ASAP3: variants seen among roughly 807,000 people sequenced by gnomAD.
ASAP3 encodes arf-GAP with SH3 domain, ANK repeat and PH domain-containing protein 3.
In ASAP3, 85 loss-of-function variants were observed where a neutral mutation model predicts 118.2. That is an observed-to-expected ratio of 0.72 (90% CI 0.60 to 0.86). The LOEUF (loss-of-function observed/expected upper bound fraction) is 0.86. ASAP3 is among the 40% of genes least tolerant of loss of function. The probability of loss-of-function intolerance (pLI) is 0.00; values close to 1 mark genes in which losing one functional copy is unlikely to be tolerated. For missense variants in ASAP3, 1,026 were observed against 1,175.0 expected, an observed-to-expected ratio of 0.87 and a Z score of 1.85; for synonymous variants, 432 against 477.4, an observed-to-expected ratio of 0.90 and a Z score of 1.24.
intron 1 of ASAP3, among the ~76,000 whole-genome samples, chr1:23,466,840 G>A (rs948717366): frequency 1.3e-5 from 2 of 152,150 alleles, no homozygotes; most frequent in Non-Finnish European, 2.9e-5. Context: ...TCACTTCTGT[G>A]TCATCCCATG....
intron 10 of ASAP3, 151 bp downstream of exon 10, chr1:23,440,951 G>A (rs1640850301): frequency 5.9e-6 from 4 of 674,502 alleles, no homozygotes; most frequent in South Asian, 5.7e-5. Context: ...ATGCCCAGGT[G>A]TCCTGGACAA....
chr1:23,432,239 T>C (rs1474864529), intron 22 of ASAP3, among the ~76,000 whole-genome samples: 1 of 152,138 alleles, frequency 6.6e-6, no homozygotes, highest in Non-Finnish European at 1.5e-5. Context: ...AATCCTTACC[T>C]GGGGTGATCC....
chr1:23,442,469 G>A lies in ASAP3; in HGVS notation c.585+32C>T, dbSNP rs375149127. The stretch of plus-strand genomic sequence containing the variant: ...AGGCAGACAGGAAGACACATCCCAC[G>A]CCCCCCCTCCCTCATCCAGAGCACC... On this transcript the variant is annotated intron_variant, in intron 6 of 24. Coordinates refer to ENST00000336689, the MANE Select transcript of ASAP3 (RefSeq NM_017707.4). The A allele has an allele frequency of 1.3e-5, 21 of 1,604,396 alleles. No individual in the cohort carries two copies. In the East Asian group the frequency reaches 1.8e-4, roughly 14 times the overall value.
intron 5 of ASAP3, among the ~76,000 whole-genome samples, chr1:23,447,876 A>G (rs1050701586): frequency 1.2e-4 from 18 of 152,192 alleles, no homozygotes; most frequent in Admixed American, 1.2e-3. Context: ...GGCTTTGTCA[A>G]TTATCACAGT....
intron 4 of ASAP3, among the ~76,000 whole-genome samples, chr1:23,451,941 C>T (rs1218432232): frequency 1.3e-5 from 2 of 152,212 alleles, no homozygotes; most frequent in African/African-American, 4.8e-5. Context: ...CTGCCTGGTG[C>T]TAGATCATCC....
At chr1:23,433,588 GAA>G in intron 20 of ASAP3, 36 bp downstream of exon 20, 1 of 1,614,206 alleles carries the variant, frequency 6.2e-7, no homozygotes, top group Non-Finnish European at 8.5e-7. Flanking sequence ...CAGGGAGAGA[GAA>G]AGAGTCAGGG....
At chr1:23,435,443 A>G (rs556872980) in intron 17 of ASAP3, among the ~76,000 whole-genome samples, 1 of 152,364 alleles carries the variant, frequency 6.6e-6, no homozygotes, top group South Asian at 2.1e-4. Flanking sequence ...AGCCAAAGCA[A>G]TGTGGCCTTC....
In ASAP3 at chr1:23,436,752, C is replaced by T. The variant is rs569034339; in HGVS notation, c.1477-98G>A. On this transcript the variant is annotated intron_variant, in intron 15 of 24. Coordinates refer to ENST00000336689, the MANE Select transcript of ASAP3 (RefSeq NM_017707.4). This position sits in a 1 kb window ranked among gnomAD's most constrained non-coding sequence, Gnocchi z 4.2. ...AGCCCCCAGAGTCCCGCCCCTCGGC[C>T]GCCCTCCCGGTTCAGGCCCCGCCCC... 59 of 1,561,486 alleles carry T rather than the reference C, an allele frequency of 3.8e-5. No homozygotes were observed. Among genetic ancestry groups the T allele is most frequent in the South Asian group, 2.9e-4 (25 of 85,960 alleles).
In ASAP3 at chr1:23,438,841, G is replaced by A. The variant is rs776324373; in HGVS notation, c.1015-7C>T. The A allele has an allele frequency of 6.2e-7, 1 of 1,614,054 alleles. No homozygotes were observed. The highest frequency in any genetic ancestry group is 8.5e-7 in the Non-Finnish European group (1 of 1,179,926). ...TCACCGGGGGCCGGTTTATCTGTGG[G>A]AATTTAGGGGCGGAGGATGTATGCA... On this transcript the variant is annotated splice_polypyrimidine_tract_variant and splice_region_variant and intron_variant, in intron 11 of 24. Coordinates refer to ENST00000336689, the MANE Select transcript of ASAP3 (RefSeq NM_017707.4). This position sits in a 1 kb window ranked among gnomAD's most constrained non-coding sequence, Gnocchi z 4.9.
chr1:23,454,200 T>A (rs111756457), intron 3 of ASAP3, among the ~76,000 whole-genome samples: 3 of 151,008 alleles, frequency 2.0e-5, no homozygotes, highest in Non-Finnish European at 4.4e-5. Context: ...TTTTTTTTTT[T>A]TTTTGAGATG....
chr1:23,434,377 G>C lies in ASAP3; in HGVS notation c.1836-8C>G, dbSNP rs781596970. 5.6e-6 allele frequency: 9 copies of C among 1,614,002 alleles called. No individual in the cohort carries two copies. Among genetic ancestry groups the C allele is most frequent in the Non-Finnish European group, 7.6e-6 (9 of 1,179,868 alleles). ...TTGGCATCCAGGTGACCACTGGGGA[G>C]AGGAGGGTTCAGGGAGAAAGGAAGG... is the stretch of plus-strand genomic sequence containing the variant. On this transcript the variant is annotated splice_polypyrimidine_tract_variant and splice_region_variant and intron_variant, in intron 18 of 24. Coordinates refer to ENST00000336689, the MANE Select transcript of ASAP3 (RefSeq NM_017707.4).
rs142259453 is a variant in ASAP3, at chr1:23,439,964, G to A, written c.945-734C>T. ...CAAGCAGCTGGGACTACAGGCTCAC[G>A]CCACCATACCCAGCTAATTTTTTGT... On this transcript the variant is annotated intron_variant, in intron 10 of 24. Coordinates refer to ENST00000336689, the MANE Select transcript of ASAP3 (RefSeq NM_017707.4). Among the ~76,000 whole-genome samples the A allele has an allele frequency of 2.1e-4, 32 of 151,880 alleles. No individual in the cohort carries two copies. In the East Asian group the frequency reaches 5.9e-3, roughly 28 times the overall value.
intron 1 of ASAP3, among the ~76,000 whole-genome samples, chr1:23,476,156 G>A (rs1318577326): frequency 6.6e-6 from 1 of 151,886 alleles, no homozygotes; most frequent in Non-Finnish European, 1.5e-5. Context: ...GAACAGCCTG[G>A]CCAACATGGT....
intron 3 of ASAP3, among the ~76,000 whole-genome samples, chr1:23,455,242 G>A (rs180748207): frequency 2.0e-5 from 3 of 152,204 alleles, no homozygotes; most frequent in South Asian, 4.1e-4. Context: ...CATCCGGATC[G>A]AATGAGTGAA....
In ASAP3 at chr1:23,442,602, C is replaced by T; in HGVS notation, c.484G>A (p.Glu162Lys). ...KDYEAKMAKL[E>K]KERDRARVTG... is the part of the protein sequence containing the mutation. Reference sequence around the variant, plus strand: ...ACCCTGGCCCGATCGCGCTCCTTCTCCAGCTTGGCCCTAGACCCCAAGGAA... The same window carrying T: ...ACCCTGGCCCGATCGCGCTCCTTCTTCAGCTTGGCCCTAGACCCCAAGGAA... The change falls in exon 6 of 25, where the codon GAG becomes AAG. Residue 162 changes from glutamate (E) to lysine (K), a missense_variant. Coordinates refer to ENST00000336689, the MANE Select transcript of ASAP3 (RefSeq NM_017707.4). The T allele has an allele frequency of 1.2e-6, 2 of 1,614,014 alleles. No individual in the cohort carries two copies. Among genetic ancestry groups the T allele is most frequent in the Non-Finnish European group, 1.7e-6 (2 of 1,179,996 alleles).
At chr1:23,442,758 C>T (rs1456320182) in intron 5 of ASAP3, 146 bp from the exon 6 acceptor site, 7 of 1,212,284 alleles carry the variant, frequency 5.8e-6, no homozygotes, top group African/African-American at 1.5e-5. Context: ...ATGAACAAGA[C>T]AGTTTAGGGA....
At chr1:23,444,609 T>C (rs1640989144) in intron 5 of ASAP3, among the ~76,000 whole-genome samples, 1 of 152,222 alleles carries the variant, frequency 6.6e-6, no homozygotes, top group East Asian at 1.9e-4. Flanking sequence ...AGAAGACACA[T>C]GGCAGCTTTT....
At position 23,437,289 on chromosome 1, in the gene ASAP3, C is replaced by T. The variant is rs1448620878; in HGVS notation, c.1183G>A (p.Glu395Lys). Residue 395 changes from glutamate to lysine, a missense_variant, in exon 14 of 25, where the codon GAA becomes AAA. By Grantham distance (56) the Glu-to-Lys change is moderately conservative. Transcript: ENST00000336689. This position sits in a 1 kb window ranked among gnomAD's most constrained non-coding sequence, Gnocchi z 6.1. ...CCGAGGAAGGCGCTGCTCAGGGCTT[C>T]GTCCTTGCTGTTCTGCAACACTGAC... ...WVSVLQNSKD[E>K]ALSSAFLGEP... 1.2e-6 allele frequency: 2 copies of T among 1,607,158 alleles called. No individual in the cohort carries two copies. The highest frequency in any genetic ancestry group is 2.2e-5 in the East Asian group (1 of 44,550).
chr1:23,476,022 T>A (rs1434915085), intron 1 of ASAP3, among the ~76,000 whole-genome samples: 2 of 151,830 alleles, frequency 1.3e-5, no homozygotes, highest in Non-Finnish European at 2.9e-5. Flanking sequence ...CCTGCCAGAT[T>A]TCCCCTTCTC....
Sources: allele counts gnomAD v4.1 joint callset (sites outside exome capture counted in the v4.1 genomes callset), GRCh38; gene constraint gnomAD v4.1.1; non-coding constraint Gnocchi (gnomAD v3.1); transcripts MANE v1.5; gene names NCBI Gene and HGNC (gene_info 2026-07-23, HGNC 2026-07-21).